The following UBR2 variants were observed in gnomAD, a reference collection of about 807,000 sequenced individuals.
UBR2 encodes the protein ubiquitin protein ligase E3 component n-recognin 2, also known as E3 ubiquitin-protein ligase UBR2.
A neutral mutation model predicts 247.9 loss-of-function variants in UBR2; 92 were observed. That is an observed-to-expected ratio of 0.37 (90% confidence interval 0.31 to 0.44). UBR2 has a LOEUF of 0.44. Ranked by LOEUF, UBR2 falls within the 20% of genes least tolerant of loss-of-function variation. The pLI is 1.00. For missense variants in UBR2, 1,613 were observed against 2,112.6 expected, an observed-to-expected ratio of 0.76 and a Z score of 4.64; for synonymous variants, 672 against 693.5, an observed-to-expected ratio of 0.97 and a Z score of 0.49.
chr6:42,594,329 T>A, intron 4 of UBR2, 25 bp downstream of exon 4: 1 of 1,572,150 alleles, frequency 6.4e-7, no homozygotes, highest in Non-Finnish European at 8.7e-7. Flanking sequence ...ACAAAGTTGT[T>A]TTTAACCCAA....
chr6:42,588,739 C>G (rs191361369), intron 2 of UBR2, among the ~76,000 whole-genome samples: 3 of 152,108 alleles, frequency 2.0e-5, no homozygotes, highest in African/African-American at 7.2e-5. Flanking sequence ...TCCCCTCTTC[C>G]GAGATTTTGG....
intron 2 of UBR2, among the ~76,000 whole-genome samples, chr6:42,589,478 T>C (rs1792516037): frequency 6.6e-6 from 1 of 152,236 alleles, no homozygotes; most frequent in South Asian, 2.1e-4. Flanking sequence ...TTGAATTGTC[T>C]ATATCTGATT....
chr6:42,666,501 C>A (rs1287476716), intron 34 of UBR2, among the ~76,000 whole-genome samples: 2 of 151,734 alleles, frequency 1.3e-5, no homozygotes, highest in African/African-American at 2.4e-5. Flanking sequence ...ACAACAACAA[C>A]AAAAAAAGTT....
chr6:42,657,837 C>A (rs1490868517), intron 26 of UBR2, among the ~76,000 whole-genome samples, 187 bp from the exon 27 acceptor site: 2 of 152,056 alleles, frequency 1.3e-5, no homozygotes, highest in Non-Finnish European at 2.9e-5. Context: ...TAGTTGTTGG[C>A]AACTTGTTTG....
At chr6:42,568,262 G>T (rs186371979) in intron 1 of UBR2, among the ~76,000 whole-genome samples, 296 of 152,204 alleles carry the variant, frequency 1.9e-3, no homozygotes, top group Non-Finnish European at 2.9e-3. Flanking sequence ...CCCCAAAAAA[G>T]AAATCCTGTA....
chr6:42,583,933 C>A (rs1350328080), intron 2 of UBR2, among the ~76,000 whole-genome samples: 4 of 151,214 alleles, frequency 2.6e-5, no homozygotes, highest in Non-Finnish European at 5.9e-5. Flanking sequence ...GGTTAAGTTT[C>A]ATTTCTTGAC....
intron 4 of UBR2, among the ~76,000 whole-genome samples, chr6:42,602,732 C>T (rs193225654): frequency 6.9e-6 from 1 of 145,202 alleles, no homozygotes; most frequent in East Asian, 2.0e-4. Flanking sequence ...TTATATTTTG[C>T]ACTATGTTTT....
chr6:42,658,107 A>G lies in UBR2; in HGVS notation c.2956A>G (p.Lys986Glu). The G allele has an allele frequency of 1.2e-6, 2 of 1,614,120 alleles. No individual in the cohort carries two copies. The highest frequency in any genetic ancestry group is 1.7e-6 in the Non-Finnish European group (2 of 1,179,986). The change falls in exon 27 of 47, where the codon AAA becomes GAA. Residue 986 changes from lysine to glutamate, a missense_variant. Physicochemically the swap from Lys to Glu is moderately conservative, Grantham distance 56 (BLOSUM62 1). Around this residue, in one of 3 missense-constraint regions of UBR2, gnomAD observed 1,524 missense variants for 1,967.3 expected, o/e 0.77. Transcript: ENST00000372901. Reference sequence around the variant, plus strand: ...AAATGCTCCCTACCTAGAAGTCCACAAAGACATGATTCGGTGGATATTGAA... The same window carrying G: ...AAATGCTCCCTACCTAGAAGTCCACGAAGACATGATTCGGTGGATATTGAA... Reference protein sequence around the residue: ...LQNAPYLEVHKDMIRWILKTF... With the variant: ...LQNAPYLEVHEDMIRWILKTF...
intron 2 of UBR2, among the ~76,000 whole-genome samples, chr6:42,583,813 C>T (rs1424328107): frequency 2.6e-5 from 4 of 151,962 alleles, no homozygotes; most frequent in Non-Finnish European, 4.4e-5. Context: ...CATGAGCCAC[C>T]GCGCCCGGCC....
At chr6:42,655,044 C>G (rs764256824) in intron 25 of UBR2, among the ~76,000 whole-genome samples, 2 of 152,124 alleles carry the variant, frequency 1.3e-5, no homozygotes, top group African/African-American at 2.4e-5. Flanking sequence ...ATGTGAATTG[C>G]TGGTCACAGC....
In UBR2 at chr6:42,689,746, G is replaced by A; in HGVS notation, c.5126+76G>A. The A allele has an allele frequency of 7.7e-7, 1 of 1,298,384 alleles. No homozygotes were observed. The highest frequency in any genetic ancestry group is 2.3e-5 in the East Asian group (1 of 42,932). 80.4% of individuals were successfully genotyped at this position (1,298,384 alleles called of 1,614,324 possible). A position where few individuals can be genotyped will look rare whatever the true frequency, so the allele number is the denominator to read the frequency against. ...TATGTGGTGACGTCCTGAGGGTGGA[G>A]GGCTGAGGTGGTTCTGGAAGAGGTG... On this transcript the variant is annotated intron_variant, in intron 46 of 46. Coordinates refer to ENST00000372901, the MANE Select transcript of UBR2 (RefSeq NM_001363705.2). The surrounding 1 kb of genome is among the most constrained non-coding windows in gnomAD (Gnocchi z 4.0).
chr6:42,584,751 C>T (rs754921871), intron 2 of UBR2, among the ~76,000 whole-genome samples: 1 of 151,996 alleles, frequency 6.6e-6, no homozygotes, highest in Admixed American at 6.6e-5. Flanking sequence ...TATATTTGTT[C>T]CTAAATAATT....
intron 39 of UBR2, among the ~76,000 whole-genome samples, 170 bp downstream of exon 39, chr6:42,676,361 A>G (rs949785794): frequency 2.6e-5 from 4 of 152,208 alleles, no homozygotes; most frequent in African/African-American, 9.7e-5. Context: ...CTCCTCTTAA[A>G]ATTTCCTAGT....
At chr6:42,596,671 A>G (rs981454186) in intron 4 of UBR2, among the ~76,000 whole-genome samples, 1 of 152,262 alleles carries the variant, frequency 6.6e-6, no homozygotes, top group Admixed American at 6.5e-5. Context: ...TGAAGAACTG[A>G]TACATGCTAC....
intron 30 of UBR2, among the ~76,000 whole-genome samples, chr6:42,661,705 T>C (rs1265202222): frequency 6.6e-6 from 1 of 152,292 alleles, no homozygotes; most frequent in African/African-American, 2.4e-5. Flanking sequence ...CTGATGTGAT[T>C]ATTCGCTGTA....
intron 2 of UBR2, among the ~76,000 whole-genome samples, chr6:42,574,527 A>G (rs941495127): frequency 3.3e-5 from 5 of 152,144 alleles, no homozygotes; most frequent in African/African-American, 9.7e-5. Flanking sequence ...TGGGTGCTGT[A>G]TGCATTTACT....
intron 7 of UBR2, among the ~76,000 whole-genome samples, chr6:42,611,047 T>C (rs1359930399): frequency 6.8e-6 from 1 of 146,820 alleles, no homozygotes; most frequent in Non-Finnish European, 1.5e-5. Flanking sequence ...GGTTTCACCA[T>C]GTTGGTGAGG....
intron 3 of UBR2, 79 bp from the exon 4 acceptor site, chr6:42,594,112 G>A: frequency 2.7e-6 from 3 of 1,097,756 alleles, no homozygotes; most frequent in Non-Finnish European, 4.0e-6. Context: ...TATTTCCTTA[G>A]CACTTGATAT....
chr6:42,671,334 G>C (rs1197496955), intron 36 of UBR2, among the ~76,000 whole-genome samples: 1 of 151,832 alleles, frequency 6.6e-6, no homozygotes, highest in Non-Finnish European at 1.5e-5. Context: ...CACTGGAGCT[G>C]GGGAGGTTGA....
Sources: allele counts gnomAD v4.1 joint callset (sites outside exome capture counted in the v4.1 genomes callset), GRCh38; gene constraint gnomAD v4.1.1; regional missense constraint gnomAD v4.1.1; non-coding constraint Gnocchi (gnomAD v3.1); transcripts MANE v1.5; gene names NCBI Gene and HGNC (gene_info 2026-07-23, HGNC 2026-07-21).